DYNLT2B: variants seen among roughly 807,000 people sequenced by gnomAD.
DYNLT2B encodes the protein dynein light chain Tctex-type 2B.
In DYNLT2B, 14 loss-of-function variants were observed where a neutral mutation model predicts 19.5. The observed-to-expected ratio is 0.72, with a 90% CI of 0.47 to 1.12. The LOEUF is 1.12. Ranked by LOEUF, DYNLT2B falls within the 50% of genes most tolerant of loss-of-function variation. DYNLT2B has a pLI of 0.00. For synonymous variants in DYNLT2B, 70 were observed against 59.7 expected, an observed-to-expected ratio of 1.17 and a Z score of -0.79; for missense variants, 133 against 174.7, an observed-to-expected ratio of 0.76 and a Z score of 1.35.
intron 4 of DYNLT2B, 26 bp downstream of exon 4, chr3:196,295,980 G>T: frequency 6.2e-7 from 1 of 1,603,632 alleles, no homozygotes; most frequent in African/African-American, 1.3e-5. Context: ...CTTAGAAAGG[G>T]AAAAGAGGTT....
rs1204301120 is a variant in DYNLT2B, at chr3:196,316,185, C to G, written c.160G>C (p.Glu54Gln). ...VKDCIHAVLK[E>Q]ELANAEYSPE... Reference sequence around the variant, plus strand: ...GAATATTCAGCATTTGCCAGTTCCTCCTTGAGCACAGCATGGATACAGTCT... The same window carrying G: ...GAATATTCAGCATTTGCCAGTTCCTGCTTGAGCACAGCATGGATACAGTCT... Residue 54 changes from glutamate (E) to glutamine (Q), a missense_variant, in exon 2 of 5, where the codon GAG (glutamate) becomes CAG (glutamine). Transcript: ENST00000325318. 6.2e-7 allele frequency: 1 copy of G among 1,613,900 alleles called. No homozygotes were observed. The highest frequency in any genetic ancestry group is 8.5e-7 in the Non-Finnish European group (1 of 1,179,924).
chr3:196,292,200 T>C (rs910124999), intron 4 of DYNLT2B: 1 of 152,234 alleles, frequency 6.6e-6, no homozygotes, highest in African/African-American at 2.4e-5. Flanking sequence ...AATCACAAAA[T>C]GCTTTCCAGA....
chr3:196,309,327 G>A (rs559347852), intron 2 of DYNLT2B, among the ~76,000 whole-genome samples: 254 of 152,128 alleles, frequency 1.7e-3, no homozygotes, highest in African/African-American at 5.3e-3. Flanking sequence ...GTGCAATGGC[G>A]TGATCTCAGG....
intron 1 of DYNLT2B, among the ~76,000 whole-genome samples, chr3:196,316,904 TGTGTTGTGTG>T (rs1298340027): frequency 2.8e-3 from 315 of 113,800 alleles, no homozygotes; most frequent in Middle Eastern, 4.6e-3. Context: ...TGTGTGTGTG[TGTGTTGTGTG>T]GTGTGTGTGT....
intron 1 of DYNLT2B, among the ~76,000 whole-genome samples, chr3:196,317,722 C>T (rs1726915822): frequency 6.6e-6 from 1 of 152,194 alleles, no homozygotes; most frequent in Admixed American, 6.5e-5. Context: ...GAGTGGCTTC[C>T]TGCCTCTATT....
chr3:196,300,603 T>C (rs1428824597), intron 3 of DYNLT2B, among the ~76,000 whole-genome samples: 1 of 150,498 alleles, frequency 6.6e-6, no homozygotes, highest in East Asian at 2.0e-4. Context: ...GTGGCGTGCG[T>C]CTCTAATCCC....
chr3:196,300,067 G>T (rs1327945342), intron 3 of DYNLT2B, among the ~76,000 whole-genome samples: 17 of 152,330 alleles, frequency 1.1e-4, no homozygotes, highest in Admixed American at 1.0e-3. Flanking sequence ...GGAGGAAACG[G>T]CTTATGGGCT....
chr3:196,316,846 G>T (rs1206608045), intron 1 of DYNLT2B, among the ~76,000 whole-genome samples: 3 of 144,746 alleles, frequency 2.1e-5, no homozygotes, highest in Non-Finnish European at 4.5e-5. Context: ...TACAAACCTA[G>T]CTGAGTACCC....
chr3:196,292,148 G>T (rs1478969665), intron 4 of DYNLT2B, among the ~76,000 whole-genome samples: 1 of 152,152 alleles, frequency 6.6e-6, no homozygotes, highest in East Asian at 1.9e-4. Flanking sequence ...CTGGGTGTTT[G>T]TTCTTAATTG....
At chr3:196,297,263 A>G (rs1388502601) in intron 3 of DYNLT2B, among the ~76,000 whole-genome samples, 1 of 152,006 alleles carries the variant, frequency 6.6e-6, no homozygotes, top group African/African-American at 2.4e-5. Context: ...GGTGGCTCAC[A>G]CCTGTAATCC....
intron 3 of DYNLT2B, among the ~76,000 whole-genome samples, chr3:196,299,706 C>T (rs1204059736): frequency 2.0e-5 from 3 of 151,334 alleles, no homozygotes; most frequent in Admixed American, 6.6e-5. Context: ...CTGAGGCAGG[C>T]GGATCACGAG....
intron 2 of DYNLT2B, 145 bp from the exon 3 acceptor site, chr3:196,307,157 G>A: frequency 1.5e-6 from 1 of 658,998 alleles, no homozygotes. Flanking sequence ...AGGAGGACGT[G>A]AAGGCAGATC....
rs1726434680 is a variant in DYNLT2B, at chr3:196,304,441, T to G, written c.317+2502A>C. Among the ~76,000 whole-genome samples the G allele has an allele frequency of 2.6e-5, 4 of 151,950 alleles. No homozygotes were observed. In the South Asian group the frequency reaches 8.3e-4, roughly 32 times the overall value. On this transcript the variant is annotated intron_variant, in intron 3 of 4. Coordinates refer to ENST00000325318, the MANE Select transcript of DYNLT2B (RefSeq NM_152773.5). ...AGCCACTGCACCTGGCCAAAAACTG[T>G]TTTTTTTAAACAAAGGTAATGGCTA... is the stretch of plus-strand genomic sequence containing the variant.
rs114001132 is a variant in DYNLT2B at position 196,303,839 on chromosome 3, T to C, written c.317+3104A>G. ...ATCAATATTGTTTCATTAATTATAATAAATGTTCCATACTATGTAGATGTT... is the reference window on the plus strand; with the variant it reads ...ATCAATATTGTTTCATTAATTATAACAAATGTTCCATACTATGTAGATGTT... On this transcript the variant is annotated intron_variant, in intron 3 of 4. Transcript: ENST00000325318. 4.9e-3 allele frequency among the ~76,000 whole-genome samples: 742 copies of C among 152,286 alleles called. 6 individuals are homozygous for C. The highest frequency in any genetic ancestry group is 0.017 in the African/African-American group (721 of 41,562).
intron 3 of DYNLT2B, among the ~76,000 whole-genome samples, chr3:196,305,406 C>T (rs1726461202): frequency 6.6e-6 from 1 of 152,152 alleles, no homozygotes; most frequent in Admixed American, 6.6e-5. Flanking sequence ...ACATATTAAA[C>T]AATACCATAG....
intron 2 of DYNLT2B, among the ~76,000 whole-genome samples, chr3:196,310,083 C>T (rs1312122771): frequency 6.6e-6 from 1 of 150,898 alleles, no homozygotes; most frequent in East Asian, 2.0e-4. Context: ...GAAATAAGTA[C>T]TCAATCAGGT....
At chr3:196,303,318 C>T (rs577834097) in intron 3 of DYNLT2B, among the ~76,000 whole-genome samples, 114 of 152,272 alleles carry the variant, frequency 7.5e-4, no homozygotes, top group Admixed American at 1.4e-3. Flanking sequence ...CCCGCACAGC[C>T]GGCTGTGCGT....
Position 196,318,234 on chromosome 3 carries a change from C to T in DYNLT2B, c.-82G>A, listed in dbSNP as rs766606492. 1.4e-4 allele frequency: 102 copies of T among 751,546 alleles called. No individual in the cohort carries two copies. Among genetic ancestry groups the T allele is most frequent in the Non-Finnish European group, 1.9e-4 (98 of 507,470 alleles). The allele number at this position is 751,546 out of a possible 1,614,324, so 46.6% of individuals were successfully genotyped here. On this transcript the variant is annotated 5_prime_UTR_variant, in exon 1 of 5. Transcript: ENST00000325318. ...GCGGCCGGCAGCAGGGAAAGCGTCT[C>T]CAGGGCAACAGGGCCGCCCTCCCGC... is the stretch of plus-strand genomic sequence containing the variant.
intron 3 of DYNLT2B, among the ~76,000 whole-genome samples, chr3:196,300,540 G>T (rs1166477039): frequency 6.6e-6 from 1 of 152,026 alleles, no homozygotes; most frequent in Non-Finnish European, 1.5e-5. Context: ...GACCAGCCTG[G>T]CCAACATGGT....
Sources: allele counts gnomAD v4.1 joint callset (sites outside exome capture counted in the v4.1 genomes callset), GRCh38; gene constraint gnomAD v4.1.1; transcripts MANE v1.5; gene names NCBI Gene and HGNC (gene_info 2026-07-23, HGNC 2026-07-21).